The following IP6K1 variants were observed in gnomAD, a reference collection of about 807,000 sequenced individuals.
The protein encoded by IP6K1 is inositol hexakisphosphate kinase 1, also known as ATP:1D-myo-inositol-hexakisphosphate phosphotransferase.
In IP6K1, 13 loss-of-function variants were observed where a neutral mutation model predicts 38.3. The observed-to-expected ratio is 0.34, with a 90% CI of 0.22 to 0.54. The LOEUF (loss-of-function observed/expected upper bound fraction) is 0.54, where lower values mean the gene tolerates loss of function less well. IP6K1 is among the 20% of genes least tolerant of loss of function. IP6K1 has a pLI of 0.92. For synonymous variants in IP6K1, 212 were observed against 229.9 expected, an observed-to-expected ratio of 0.92 and a Z score of 0.70; for missense variants, 397 against 599.8, an observed-to-expected ratio of 0.66 and a Z score of 3.53.
chr3:49,759,337 A>G (rs1300695368), intron 1 of IP6K1, among the ~76,000 whole-genome samples: 1 of 152,184 alleles, frequency 6.6e-6, no homozygotes, highest in Non-Finnish European at 1.5e-5. Context: ...GTTAGAGACT[A>G]AGGCAAAACG....
intron 3 of IP6K1, 24 bp from the exon 4 acceptor site, chr3:49,732,996 C>T: frequency 1.9e-6 from 3 of 1,585,556 alleles, no homozygotes; most frequent in South Asian, 2.2e-5. Flanking sequence ...ACATACACAT[C>T]ACTAAGAAAC....
At chr3:49,778,998 T>C (rs2081042995) in intron 1 of IP6K1, among the ~76,000 whole-genome samples, 1 of 152,110 alleles carries the variant, frequency 6.6e-6, no homozygotes, top group Non-Finnish European at 1.5e-5. Flanking sequence ...AGGTGTACAA[T>C]TCAATGATTT....
chr3:49,778,018 T>G (rs190777928), intron 1 of IP6K1, among the ~76,000 whole-genome samples: 14 of 144,892 alleles, frequency 9.7e-5, no homozygotes. Context: ...GTGAAATGAC[T>G]TTTTTTTTTT....
intron 4 of IP6K1, among the ~76,000 whole-genome samples, chr3:49,730,204 T>G (rs934622494): frequency 2.6e-5 from 4 of 152,192 alleles, no homozygotes; most frequent in African/African-American, 7.2e-5. Flanking sequence ...CCTACCTAAT[T>G]TTTAATGTTT....
rs761362707 is a variant in IP6K1, at chr3:49,728,305, A to G, written c.617-27T>C. On this transcript the variant is annotated intron_variant, in intron 4 of 5. Coordinates refer to ENST00000321599, the MANE Select transcript of IP6K1 (RefSeq NM_153273.4). ...TGGGCCACGGTCAAGGAGAATGACA[A>G]CCACACTCACCATCAGCCCCAGCCA... The G allele has an allele frequency of 3.7e-6, 6 of 1,602,884 alleles. No homozygotes were observed. In the African/African-American group the frequency reaches 4.0e-5, roughly 11 times the overall value.
chr3:49,727,976 T>G lies in IP6K1; in HGVS notation c.792+127A>C. 1.1e-6 allele frequency: 1 copy of G among 915,726 alleles called. No homozygotes were observed. The highest frequency in any genetic ancestry group is 1.7e-6 in the Non-Finnish European group (1 of 594,328). The allele number at this position is 915,726 out of a possible 1,614,324, so 56.7% of individuals were successfully genotyped here. On this transcript the variant is annotated intron_variant, in intron 5 of 5. Coordinates refer to ENST00000321599, the MANE Select transcript of IP6K1 (RefSeq NM_153273.4). The surrounding 1 kb of genome is among the most constrained non-coding windows in gnomAD (Gnocchi z 5.9). ...ACAGTGGTCCTGCACCTGAGGCCCATATCAAAGTCAACAGGTAAGGACAGA... is the reference window on the plus strand; with the variant it reads ...ACAGTGGTCCTGCACCTGAGGCCCAGATCAAAGTCAACAGGTAAGGACAGA...
At chr3:49,736,743 G>C (rs889916420) in intron 3 of IP6K1, among the ~76,000 whole-genome samples, 20 of 151,008 alleles carry the variant, frequency 1.3e-4, no homozygotes, top group African/African-American at 4.6e-4. Context: ...CCTAGGAGTG[G>C]AATTACTGGT....
At chr3:49,729,991 C>T (rs1019233352) in intron 4 of IP6K1, among the ~76,000 whole-genome samples, 5 of 152,120 alleles carry the variant, frequency 3.3e-5, no homozygotes, top group African/African-American at 1.2e-4. Flanking sequence ...CTCCTGGGTT[C>T]AAGCCATTCT....
chr3:49,732,446 A>G (rs573331440), intron 4 of IP6K1, among the ~76,000 whole-genome samples: 1 of 152,330 alleles, frequency 6.6e-6, no homozygotes, highest in South Asian at 2.1e-4. Context: ...TTAAATTTTA[A>G]TTAATAAAAT....
At chr3:49,753,599 C>A (rs553913310) in intron 1 of IP6K1, among the ~76,000 whole-genome samples, 7 of 152,068 alleles carry the variant, frequency 4.6e-5, no homozygotes, top group African/African-American at 1.7e-4. Context: ...ATAAATCTGG[C>A]TGAATAAATA....
At position 49,726,757 on chromosome 3, in the gene IP6K1, T is replaced by G; in HGVS notation, c.*365A>C. On this transcript the variant is annotated 3_prime_UTR_variant, in exon 6 of 6. Coordinates refer to ENST00000321599, the MANE Select transcript of IP6K1 (RefSeq NM_153273.4). Reference sequence around the variant, plus strand: ...AGGGGCCCTGCACCAGCCCAGGGCTTTACCTTACAATCAGCAGGGCCCTGC... The same window carrying G: ...AGGGGCCCTGCACCAGCCCAGGGCTGTACCTTACAATCAGCAGGGCCCTGC... 9.1e-6 allele frequency: 3 copies of G among 330,840 alleles called. No individual in the cohort carries two copies. Among genetic ancestry groups the G allele is most frequent in the Non-Finnish European group, 1.6e-5 (3 of 182,922 alleles). 20.5% of individuals were successfully genotyped at this position (330,840 alleles called of 1,614,324 possible).
Position 49,727,322 on chromosome 3 carries a change from T to G in IP6K1, c.1126A>C (p.Thr376Pro), listed in dbSNP as rs1575300779. 1 of 1,614,080 alleles carries G rather than the reference T, an allele frequency of 6.2e-7. No individual in the cohort carries two copies. Among genetic ancestry groups the G allele is most frequent in the Non-Finnish European group, 8.5e-7 (1 of 1,180,000 alleles). ...PEVASSCGPSTSPSNTSPEAG... is the reference protein window; with the variant it reads ...PEVASSCGPSPSPSNTSPEAG... ...TCGGGGCTGGTGTTGCTGGGGCTGG[T>G]GCTGGGGCCACAGGATGACGCCACC... Residue 376 changes from threonine to proline, a missense_variant, in exon 6 of 6, where the codon ACC becomes CCC. This residue lies in a region of IP6K1 where 164 missense variants were observed against 213.5 expected (regional missense o/e 0.77). Coordinates refer to ENST00000321599, the MANE Select transcript of IP6K1 (RefSeq NM_153273.4). The surrounding 1 kb of genome is among the most constrained non-coding windows in gnomAD (Gnocchi z 5.9).
intron 1 of IP6K1, among the ~76,000 whole-genome samples, chr3:49,764,545 A>G (rs1458642936): frequency 6.6e-6 from 1 of 152,146 alleles, no homozygotes; most frequent in Non-Finnish European, 1.5e-5. Context: ...TTGACACCCC[A>G]ACCCCCACAC....
At position 49,727,775 on chromosome 3, in the gene IP6K1, T is replaced by G; in HGVS notation, c.793-120A>C. 9.7e-7 allele frequency: 1 copy of G among 1,030,384 alleles called. No homozygotes were observed. Among genetic ancestry groups the G allele is most frequent in the Non-Finnish European group, 1.4e-6 (1 of 715,756 alleles). 63.8% of individuals were successfully genotyped at this position (1,030,384 alleles called of 1,614,324 possible). On this transcript the variant is annotated intron_variant, in intron 5 of 5. Coordinates refer to ENST00000321599, the MANE Select transcript of IP6K1 (RefSeq NM_153273.4). The surrounding 1 kb of genome is among the most constrained non-coding windows in gnomAD (Gnocchi z 5.9). ...ACCTGAGCTTTTCTGCTCACCTATC[T>G]AAGTGGAACCAGGCAGGCCACATTC...
intron 2 of IP6K1, among the ~76,000 whole-genome samples, chr3:49,739,587 T>G (rs2080646491): frequency 1.3e-5 from 2 of 151,974 alleles, no homozygotes; most frequent in Non-Finnish European, 2.9e-5. Flanking sequence ...TCTCCTGACC[T>G]CGTGATCCAC....
chr3:49,736,492 T>C (rs576376596), intron 3 of IP6K1, among the ~76,000 whole-genome samples: 2 of 152,254 alleles, frequency 1.3e-5, no homozygotes, highest in African/African-American at 4.8e-5. Context: ...TTGTGTCTGG[T>C]TTCTTTCATT....
intron 3 of IP6K1, among the ~76,000 whole-genome samples, chr3:49,737,591 CAGG>C (rs1411693376): frequency 4.6e-5 from 7 of 152,276 alleles, no homozygotes; most frequent in African/African-American, 1.4e-4. Context: ...GAGGCAGAGG[CAGG>C]AGAATTGCTT....
At chr3:49,757,132 G>A (rs1354886023) in intron 1 of IP6K1, among the ~76,000 whole-genome samples, 3 of 152,158 alleles carry the variant, frequency 2.0e-5, no homozygotes, top group Admixed American at 6.6e-5. Flanking sequence ...GAGCCTCCTG[G>A]ACTTATTTCC....
At chr3:49,758,934 G>A (rs994589049) in intron 1 of IP6K1, among the ~76,000 whole-genome samples, 23 of 144,566 alleles carry the variant, frequency 1.6e-4, no homozygotes, top group African/African-American at 2.8e-4. Flanking sequence ...ATGACAGAGC[G>A]AGACTCTGTC....
Sources: gnomAD v4.1 joint callset for allele counts (sites outside exome capture counted in the v4.1 genomes callset) on GRCh38, gnomAD v4.1.1 for gene constraint, gnomAD v4.1.1 regional missense constraint, Gnocchi (gnomAD v3.1) non-coding constraint, MANE v1.5 for transcripts, NCBI Gene and HGNC (gene_info 2026-07-23, HGNC 2026-07-21) for gene names.